The following FOXP2 variants were observed in gnomAD, a reference collection of about 807,000 sequenced individuals.
The protein encoded by FOXP2 is forkhead box protein P2.
Under a neutral mutation model 115.8 loss-of-function variants are expected in FOXP2, and 12 were observed. The ratio of observed to expected loss-of-function variants is 0.10; its 90% CI spans 0.07 to 0.17. The LOEUF (loss-of-function observed/expected upper bound fraction) is 0.17. FOXP2 is among the 10% of genes least tolerant of loss of function. The pLI is 1.00. For missense variants in FOXP2, 629 were observed against 843.5 expected, an observed-to-expected ratio of 0.75 and a Z score of 3.15; for synonymous variants, 328 against 297.7, an observed-to-expected ratio of 1.10 and a Z score of -1.05.
At chr7:114,468,939 C>A (rs1795926434) in intron 2 of FOXP2, among the ~76,000 whole-genome samples, 1 of 152,110 alleles carries the variant, frequency 6.6e-6, no homozygotes, top group Non-Finnish European at 1.5e-5. Context: ...GTTCTTTCTG[C>A]TTTTGGATTT....
At position 114,422,770 on chromosome 7, in the gene FOXP2, A is replaced by C. The variant is rs190167409; in HGVS notation, c.-10-3732A>C. Among the ~76,000 whole-genome samples the C allele has an allele frequency of 5.3e-5, 8 of 151,218 alleles. No individual in the cohort carries two copies. In the East Asian group the frequency reaches 1.6e-3, roughly 29 times the overall value. ...TTGCTGCGAATACGGAATAGGATACATGCAGGTTTCTGTTATCACTCTGGC... is the reference window on the plus strand; with the variant it reads ...TTGCTGCGAATACGGAATAGGATACCTGCAGGTTTCTGTTATCACTCTGGC... On this transcript the variant is annotated intron_variant, in intron 1 of 16. Transcript: ENST00000350908.
intron 3 of FOXP2, among the ~76,000 whole-genome samples, chr7:114,546,758 A>G (rs1179643636): frequency 6.6e-6 from 1 of 152,250 alleles, no homozygotes; most frequent in Non-Finnish European, 1.5e-5. Context: ...AGTTACAAAG[A>G]TAGATTATAC....
At chr7:114,550,362 T>G (rs1218769054) in intron 3 of FOXP2, among the ~76,000 whole-genome samples, 1 of 152,062 alleles carries the variant, frequency 6.6e-6, no homozygotes, top group Non-Finnish European at 1.5e-5. Context: ...GTGATCCACC[T>G]GCCTCGGCCT....
At chr7:114,183,070 G>C (rs549606145) in intron 1 of FOXP2, among the ~76,000 whole-genome samples, 3 of 152,084 alleles carry the variant, frequency 2.0e-5, no homozygotes, top group Non-Finnish European at 4.4e-5. Context: ...GAATTGAGGG[G>C]GTGGTGGTAG....
intron 2 of FOXP2, among the ~76,000 whole-genome samples, chr7:114,407,636 G>T (rs1793066105): frequency 6.6e-6 from 1 of 151,292 alleles, no homozygotes; most frequent in South Asian, 2.1e-4. Flanking sequence ...CAGAGAACAA[G>T]AAAAAAAAGG....
intron 3 of FOXP2, among the ~76,000 whole-genome samples, chr7:114,590,366 C>A (rs1022243792): frequency 1.3e-5 from 2 of 152,148 alleles, no homozygotes; most frequent in African/African-American, 4.8e-5. Context: ...GCTGTTTTAA[C>A]GTGCACTGCA....
At chr7:114,537,961 T>C (rs1799477623) in intron 3 of FOXP2, among the ~76,000 whole-genome samples, 1 of 151,690 alleles carries the variant, frequency 6.6e-6, no homozygotes, top group Admixed American at 6.6e-5. Flanking sequence ...AAACATATCC[T>C]AATAATAACA....
chr7:114,422,017 T>C (rs762942478), intron 1 of FOXP2, among the ~76,000 whole-genome samples: 7 of 151,804 alleles, frequency 4.6e-5, no homozygotes, highest in Non-Finnish European at 7.4e-5. Flanking sequence ...GTTTTCTTAA[T>C]ATTTAACTCT....
intron 8 of FOXP2, among the ~76,000 whole-genome samples, chr7:114,648,635 T>A (rs925806916): frequency 2.0e-5 from 3 of 152,158 alleles, no homozygotes; most frequent in Non-Finnish European, 4.4e-5. Context: ...GATCCTTTCC[T>A]ACTTTTTGTC....
chr7:114,159,039 A>G (rs1254844483), upstream of FOXP2, among the ~76,000 whole-genome samples: 1 of 152,128 alleles, frequency 6.6e-6, no homozygotes, highest in Non-Finnish European at 1.5e-5. Flanking sequence ...TGTGGACTGG[A>G]TGTATATGTT....
rs116565356 is a variant in FOXP2 at position 114,280,411 on chromosome 7, G to A, written c.-101-7608G>A. ...TTTTTTTCTCTCCCACAGGATATTGGAAATACCAAACAGTATTTATGTTAT... is the reference window on the plus strand; with the variant it reads ...TTTTTTTCTCTCCCACAGGATATTGAAAATACCAAACAGTATTTATGTTAT... On this transcript the variant is annotated intron_variant, in intron 1 of 17. Transcript: ENST00000634411. Among the ~76,000 whole-genome samples the A allele has an allele frequency of 9.2e-3, 1,392 of 152,022 alleles. 34 individuals are homozygous for A. Among genetic ancestry groups the A allele is most frequent in the African/African-American group, 0.032 (1,330 of 41,448 alleles).
At chr7:114,327,369 T>C (rs1797583891) in intron 2 of FOXP2, among the ~76,000 whole-genome samples, 1 of 152,210 alleles carries the variant, frequency 6.6e-6, no homozygotes, top group Admixed American at 6.5e-5. Flanking sequence ...AACTGAAATT[T>C]AATTTATTAA....
chr7:114,611,183 T>C (rs1803608394), intron 3 of FOXP2, among the ~76,000 whole-genome samples: 1 of 152,234 alleles, frequency 6.6e-6, no homozygotes, highest in Non-Finnish European at 1.5e-5. Flanking sequence ...ATTTGCCATA[T>C]TGGGAATATG....
At chr7:114,355,559 C>T (rs748874207) in intron 2 of FOXP2, among the ~76,000 whole-genome samples, 143 of 151,858 alleles carry the variant, frequency 9.4e-4, no homozygotes, top group African/African-American at 3.6e-4. Flanking sequence ...TCAGACTGTC[C>T]GGAAGGCTGC....
rs768951968 is a variant in FOXP2, at chr7:114,399,573, A to G, written c.-10-26929A>G. ...CTGTGGTATACTTTTAAAAATGATT[A>G]TTGAATGTTAATTATGTGCTTGACA... On this transcript the variant is annotated intron_variant, in intron 2 of 17. Transcript: ENST00000634411. Among the ~76,000 whole-genome samples the G allele has an allele frequency of 3.5e-4, 53 of 152,118 alleles. 2 individuals carry two copies. Among genetic ancestry groups the G allele is most frequent in the Non-Finnish European group, 8.8e-5 (6 of 68,008 alleles).
At chr7:114,192,422 A>G (rs573798733) in intron 1 of FOXP2, among the ~76,000 whole-genome samples, 1 of 152,246 alleles carries the variant, frequency 6.6e-6, no homozygotes, top group South Asian at 2.1e-4. Flanking sequence ...TTTGGCAGTT[A>G]TATGTAAAGC....
chr7:114,414,571 A>G (rs1461773101), upstream of FOXP2: 1 of 156,216 alleles, frequency 6.4e-6, no homozygotes, highest in Non-Finnish European at 1.4e-5. Context: ...CTAGTGTTCA[A>G]AGGCTGAAGC....
rs138517036 is a variant in FOXP2 at position 114,561,757 on chromosome 7, G to A, written c.258+27051G>A. 5.7e-3 allele frequency among the ~76,000 whole-genome samples: 865 copies of A among 152,044 alleles called. 2 individuals carry two copies. The highest frequency in any genetic ancestry group is 9.2e-3 in the South Asian group (44 of 4,790). ...TTTAAAAATGTTCTCCATGACCTTG[G>A]ACCTATCTTTTTTGTTGTTTTTGGT... On this transcript the variant is annotated intron_variant, in intron 3 of 16. Coordinates refer to ENST00000350908, the MANE Select transcript of FOXP2 (RefSeq NM_014491.4).
chr7:114,339,621 A>T (rs1261318295), intron 2 of FOXP2, among the ~76,000 whole-genome samples: 1 of 151,016 alleles, frequency 6.6e-6, no homozygotes, highest in African/African-American at 2.4e-5. Context: ...GAGATAATCA[A>T]CCTGAGAGAG....
Sources: gnomAD v4.1 joint callset for allele counts (sites outside exome capture counted in the v4.1 genomes callset) on GRCh38, gnomAD v4.1.1 for gene constraint, MANE v1.5 for transcripts, NCBI Gene and HGNC (gene_info 2026-07-23, HGNC 2026-07-21) for gene names.